DNER: variants seen among roughly 807,000 people sequenced by gnomAD.
DNER encodes delta/notch like EGF repeat containing, also known as delta and Notch-like epidermal growth factor-related receptor.
Under a neutral mutation model 78.2 loss-of-function variants are expected in DNER, and 33 were observed. That is an observed-to-expected ratio of 0.42 (90% CI 0.32 to 0.56). The LOEUF (loss-of-function observed/expected upper bound fraction) is 0.56, where lower values mean the gene tolerates loss of function less well. Ranked by LOEUF, DNER falls within the 20% of genes least tolerant of loss-of-function variation. The pLI is 0.11. For missense variants in DNER, 918 were observed against 975.3 expected (o/e 0.94, Z 0.78); for synonymous variants, 417 against 384.8 (o/e 1.08, Z -0.98).
intron 7 of DNER, among the ~76,000 whole-genome samples, chr2:229,455,453 G>A (rs2106365642): frequency 6.6e-6 from 1 of 152,178 alleles, no homozygotes. Flanking sequence ...CAGAGTTTGT[G>A]GTTAGAGAAA....
chr2:229,580,349 A>T (rs1293132153), intron 4 of DNER: 2 of 152,214 alleles, frequency 1.3e-5, no homozygotes, highest in African/African-American at 4.8e-5. Context: ...GTGGACCTAA[A>T]GTTATGAGAG....
chr2:229,581,946 C>G (rs1451178016), intron 4 of DNER, among the ~76,000 whole-genome samples: 1 of 152,092 alleles, frequency 6.6e-6, no homozygotes, highest in East Asian at 1.9e-4. Context: ...TATGTGCAAA[C>G]TATTGAGAGT....
At chr2:229,607,467 T>C (rs1207756637) in intron 1 of DNER, among the ~76,000 whole-genome samples, 1 of 152,182 alleles carries the variant, frequency 6.6e-6, no homozygotes, top group African/African-American at 2.4e-5. Flanking sequence ...CTAATCCAGG[T>C]AGAACAGTAC....
At chr2:229,661,665 A>G (rs1699013340) in intron 1 of DNER, among the ~76,000 whole-genome samples, 1 of 152,226 alleles carries the variant, frequency 6.6e-6, no homozygotes, top group Non-Finnish European at 1.5e-5. Flanking sequence ...TAATAAAACA[A>G]ACTTGTGATT....
Position 229,512,806 on chromosome 2 carries a change from T to C in DNER, c.1124A>G (p.Asn375Ser), listed in dbSNP as rs1695891818. ...ACCAGGAAGGCAAACACAGGTGAAATTGCTCCCATCTTGCTTTTCATTTGC... is the reference window on the plus strand; with the variant it reads ...ACCAGGAAGGCAAACACAGGTGAAACTGCTCCCATCTTGCTTTTCATTTGC... ...IDANEKQDGSNFTCVCLPGYT... is the reference protein window; with the variant it reads ...IDANEKQDGSSFTCVCLPGYT... The change falls in exon 6 of 13, where the codon AAT becomes AGT. Residue 375 changes from asparagine to serine, a missense_variant. By Grantham distance (46) the Asn-to-Ser change is conservative. Transcript: ENST00000341772. 6.2e-7 allele frequency: 1 copy of C among 1,613,996 alleles called. No homozygotes were observed. Among genetic ancestry groups the C allele is most frequent in the African/African-American group, 1.3e-5 (1 of 74,908 alleles).
At chr2:229,700,643 G>T (rs571877717) in intron 1 of DNER, among the ~76,000 whole-genome samples, 1 of 152,004 alleles carries the variant, frequency 6.6e-6, no homozygotes, top group Non-Finnish European at 1.5e-5. Flanking sequence ...GGCCAGGCAC[G>T]GTGGCTCATG....
chr2:229,684,169 A>AGAGAGT (rs1184050138), intron 1 of DNER, among the ~76,000 whole-genome samples: 4 of 94,602 alleles, frequency 4.2e-5, no homozygotes, highest in Admixed American at 2.2e-4. Flanking sequence ...AGAGAGAGAG[A>AGAGAGT]GTGTGTGTGT....
At chr2:229,637,981 A>G (rs1698555395) in intron 1 of DNER, among the ~76,000 whole-genome samples, 1 of 152,258 alleles carries the variant, frequency 6.6e-6, no homozygotes, top group Non-Finnish European at 1.5e-5. Flanking sequence ...TAGATGCCAC[A>G]TAAAACATAT....
chr2:229,359,169 G>T (rs147492664), intron 12 of DNER, among the ~76,000 whole-genome samples: 1 of 152,276 alleles, frequency 6.6e-6, no homozygotes, highest in African/African-American at 2.4e-5. Context: ...AATGACTTCA[G>T]ATACAGAGGT....
At chr2:229,579,526 C>A (rs1447594489) in intron 4 of DNER, among the ~76,000 whole-genome samples, 1 of 152,180 alleles carries the variant, frequency 6.6e-6, no homozygotes, top group Non-Finnish European at 1.5e-5. Context: ...CATACATCCT[C>A]CCACAGGTAG....
chr2:229,452,656 T>C (rs781550429), intron 7 of DNER, among the ~76,000 whole-genome samples: 5 of 152,158 alleles, frequency 3.3e-5, no homozygotes, highest in African/African-American at 1.2e-4. Flanking sequence ...TGAGATGGAG[T>C]CTTGCTCCGT....
At chr2:229,619,965 C>G (rs1446354780) in intron 1 of DNER, among the ~76,000 whole-genome samples, 1 of 152,136 alleles carries the variant, frequency 6.6e-6, no homozygotes, top group Non-Finnish European at 1.5e-5. Context: ...CAAGGAAAAG[C>G]CTTGTGAAAT....
chr2:229,486,784 GC>G (rs1695284975), intron 6 of DNER, among the ~76,000 whole-genome samples: 1 of 152,290 alleles, frequency 6.6e-6, no homozygotes, highest in South Asian at 2.1e-4. Context: ...GCAATTTAGA[GC>G]AGTGGTTCTC....
chr2:229,672,849 G>A (rs1041965509), intron 1 of DNER, among the ~76,000 whole-genome samples: 14 of 152,202 alleles, frequency 9.2e-5, no homozygotes, highest in Non-Finnish European at 1.3e-4. Flanking sequence ...AGAGTGGTAA[G>A]TTTCTAGAAG....
chr2:229,514,736 A>G (rs1695934580), intron 5 of DNER, among the ~76,000 whole-genome samples: 1 of 152,234 alleles, frequency 6.6e-6, no homozygotes, highest in African/African-American at 2.4e-5. Flanking sequence ...TGTCCCTTGC[A>G]CATGAGATCA....
chr2:229,642,777 T>A (rs1698649620), intron 1 of DNER, among the ~76,000 whole-genome samples: 1 of 152,156 alleles, frequency 6.6e-6, no homozygotes, highest in African/African-American at 2.4e-5. Flanking sequence ...TTCTCTAGGG[T>A]ATAAACATCC....
At position 229,616,622 on chromosome 2, in the gene DNER, G is replaced by A. The variant is rs1698168283; in HGVS notation, c.277-24734C>T. ...CTAACTGGGGAATCAAGAGAACAAT[G>A]GCACTCTCTATCCACTTGTGGTCAT... On this transcript the variant is annotated intron_variant, in intron 1 of 12. Transcript: ENST00000341772. Among the ~76,000 whole-genome samples the A allele has an allele frequency of 2.0e-5, 3 of 152,270 alleles. No homozygotes were observed. The South Asian group carries it at 6.2e-4, about 32-fold the overall frequency.
In DNER at chr2:229,564,527, T is replaced by C. The variant is rs1249661814; in HGVS notation, c.848-17435A>G. On this transcript the variant is annotated intron_variant, in intron 4 of 12. Transcript: ENST00000341772. Reference sequence around the variant, plus strand: ...CATCATCATCATCCTCCTTACCCCATCACCATCATCATCATCATCCTCACC... The same window carrying C: ...CATCATCATCATCCTCCTTACCCCACCACCATCATCATCATCATCCTCACC... Among the ~76,000 whole-genome samples, 3 of 121,864 alleles carry C rather than the reference T, an allele frequency of 2.5e-5. No homozygotes were observed. In the East Asian group the frequency reaches 8.5e-4, roughly 34 times the overall value. The allele number at this position is 121,864 out of a possible 152,430, so 79.9% of individuals were successfully genotyped here.
intron 1 of DNER, among the ~76,000 whole-genome samples, chr2:229,671,926 T>C (rs1240268356): frequency 6.6e-6 from 1 of 152,210 alleles, no homozygotes; most frequent in Non-Finnish European, 1.5e-5. Flanking sequence ...ATATTAGCTG[T>C]TATACTTTGC....
Sources: allele counts gnomAD v4.1 joint callset (sites outside exome capture counted in the v4.1 genomes callset), GRCh38; gene constraint gnomAD v4.1.1; transcripts MANE v1.5; gene names NCBI Gene and HGNC (gene_info 2026-07-23, HGNC 2026-07-21).